Variants in ZNF385D observed in about 807,000 individuals in gnomAD.
ZNF385D encodes the protein zinc finger protein 659.
In ZNF385D, 15 loss-of-function variants were observed where a neutral mutation model predicts 35.8. The ratio of observed to expected loss-of-function variants is 0.42; its 90% CI spans 0.28 to 0.64. The LOEUF (loss-of-function observed/expected upper bound fraction) is 0.64, where lower values mean the gene tolerates loss of function less well. Among genes scored for constraint, ZNF385D ranks in the 30% least tolerant of loss-of-function variants. The pLI, the probability that ZNF385D is intolerant of heterozygous loss-of-function variation, is 0.23. For synonymous variants in ZNF385D, 212 were observed against 186.8 expected (o/e 1.13, Z -1.10); for missense variants, 474 against 494.6 (o/e 0.96, Z 0.39).
At chr3:22,030,296 T>TATATCCTATTTG (rs1553591379) in intron 3 of ZNF385D, among the ~76,000 whole-genome samples, 83 of 100,096 alleles carry the variant, frequency 8.3e-4, no homozygotes, top group African/African-American at 3.4e-3. Flanking sequence ...TATATATATA[T>TATATCCTATTTG]ATATATCCTA....
At chr3:21,828,935 C>T (rs1047333948) in intron 3 of ZNF385D, among the ~76,000 whole-genome samples, 5 of 152,182 alleles carry the variant, frequency 3.3e-5, no homozygotes, top group Admixed American at 2.0e-4. Flanking sequence ...TTCATGTCTC[C>T]TTTCACTGAC....
chr3:21,933,442 T>G (rs1701111285), intron 3 of ZNF385D, among the ~76,000 whole-genome samples: 1 of 152,172 alleles, frequency 6.6e-6, no homozygotes. Context: ...TGATGGTAAT[T>G]TAAGAAGATA....
chr3:22,279,573 TATATAC>T (rs1402611577), intron 2 of ZNF385D, among the ~76,000 whole-genome samples: 1 of 146,148 alleles, frequency 6.8e-6, no homozygotes, highest in Non-Finnish European at 1.5e-5. Context: ...CATATATATG[TATATAC>T]ATATACATAT....
intron 3 of ZNF385D, among the ~76,000 whole-genome samples, chr3:22,000,903 GT>G (rs36111318): frequency 0.36 from 53,836 of 148,004 alleles, 12,573 homozygotes; most frequent in African/African-American, 0.67. Flanking sequence ...ATTTAAGGGA[GT>G]TTTTTTTTTT....
At chr3:21,865,951 T>C (rs543734334) in intron 3 of ZNF385D, among the ~76,000 whole-genome samples, 42 of 152,190 alleles carry the variant, frequency 2.8e-4, no homozygotes, top group African/African-American at 5.3e-4. Context: ...ATTTACATTA[T>C]TGTGTTTGTA....
intron 3 of ZNF385D, among the ~76,000 whole-genome samples, chr3:22,162,943 T>C (rs1425071040): frequency 6.6e-6 from 1 of 152,166 alleles, no homozygotes; most frequent in Non-Finnish European, 1.5e-5. Context: ...GCTGGAGATC[T>C]ATACCTGTGA....
intron 4 of ZNF385D, among the ~76,000 whole-genome samples, chr3:21,476,138 C>T (rs1039290493): frequency 1.3e-5 from 2 of 152,098 alleles, no homozygotes; most frequent in East Asian, 1.9e-4. Flanking sequence ...CTTGTTTAGG[C>T]AGAAAAGCTG....
At chr3:22,264,325 G>T (rs183902781) in intron 2 of ZNF385D, among the ~76,000 whole-genome samples, 1 of 152,148 alleles carries the variant, frequency 6.6e-6, no homozygotes, top group East Asian at 1.9e-4. Context: ...CAGGGTCCTG[G>T]TCAAGACAGA....
intron 2 of ZNF385D, among the ~76,000 whole-genome samples, chr3:22,362,511 A>G (rs1696459964): frequency 6.6e-6 from 1 of 152,110 alleles, no homozygotes; most frequent in African/African-American, 2.4e-5. Flanking sequence ...CTGTCAATTA[A>G]CCAGTAATTG....
intron 3 of ZNF385D, among the ~76,000 whole-genome samples, chr3:22,129,641 C>T (rs552138606): frequency 4.6e-5 from 7 of 152,050 alleles, no homozygotes; most frequent in Non-Finnish European, 8.8e-5. Flanking sequence ...GCCTGGATAT[C>T]ACTGGTGTTT....
chr3:21,952,185 T>C (rs1702098291), intron 3 of ZNF385D, among the ~76,000 whole-genome samples: 1 of 152,014 alleles, frequency 6.6e-6, no homozygotes, highest in South Asian at 2.1e-4. Flanking sequence ...CTCTCATGGC[T>C]TAAAAATCCT....
intron 4 of ZNF385D, among the ~76,000 whole-genome samples, chr3:21,458,689 C>T (rs981189413): frequency 6.6e-5 from 10 of 151,976 alleles, no homozygotes; most frequent in South Asian, 2.1e-4. Context: ...TAAAAGAAAT[C>T]GGCCACAAAA....
intron 3 of ZNF385D, among the ~76,000 whole-genome samples, chr3:21,845,664 A>T (rs1203898141): frequency 6.6e-6 from 1 of 152,002 alleles, no homozygotes; most frequent in African/African-American, 2.4e-5. Context: ...TCCCCTGAAG[A>T]AACACCCAAA....
At chr3:21,982,130 A>G (rs1694495822) in intron 3 of ZNF385D, among the ~76,000 whole-genome samples, 1 of 145,992 alleles carries the variant, frequency 6.8e-6, no homozygotes, top group Non-Finnish European at 1.5e-5. Flanking sequence ...GTAGTTTGAT[A>G]GGAGTAGCCC....
At chr3:22,018,859 TA>T (rs1314394472) in intron 3 of ZNF385D, among the ~76,000 whole-genome samples, 1 of 151,892 alleles carries the variant, frequency 6.6e-6, no homozygotes, top group Admixed American at 6.6e-5. Context: ...GTTTAATTGC[TA>T]ATTTTTGAGT....
At chr3:21,889,999 G>A (rs772620839) in intron 3 of ZNF385D, among the ~76,000 whole-genome samples, 7 of 152,012 alleles carry the variant, frequency 4.6e-5, no homozygotes, top group Non-Finnish European at 7.4e-5. Flanking sequence ...AAAGACACTA[G>A]TCATATTAGA....
chr3:22,361,749 C>A (rs1330276779), intron 2 of ZNF385D, among the ~76,000 whole-genome samples: 2 of 151,910 alleles, frequency 1.3e-5, no homozygotes, highest in African/African-American at 4.8e-5. Context: ...AAAAATAGTT[C>A]ACTATTTAAT....
chr3:21,846,095 C>T (rs908124202), intron 3 of ZNF385D, among the ~76,000 whole-genome samples: 2 of 151,878 alleles, frequency 1.3e-5, no homozygotes, highest in African/African-American at 4.8e-5. Context: ...ATCGGGGTCA[C>T]AGGAGTTGGA....
intron 3 of ZNF385D, among the ~76,000 whole-genome samples, chr3:21,815,681 ATAAT>A: frequency 6.6e-6 from 1 of 152,316 alleles, no homozygotes; most frequent in African/African-American, 2.4e-5. Flanking sequence ...AATTGAGATA[ATAAT>A]TAATAGCCTA....
Sources: allele counts gnomAD v4.1 joint callset (sites outside exome capture counted in the v4.1 genomes callset), GRCh38; gene constraint gnomAD v4.1.1; transcripts MANE v1.5; gene names NCBI Gene and HGNC (gene_info 2026-07-23, HGNC 2026-07-21).